KIAA1217: variants seen among roughly 807,000 people sequenced by gnomAD.
KIAA1217 encodes sickle tail protein homolog.
KIAA1217 carries 88 observed loss-of-function variants against 163.9 expected under a neutral mutation model. The observed-to-expected ratio is 0.54, with a 90% CI of 0.45 to 0.64. The LOEUF is 0.64. Among genes scored for constraint, KIAA1217 ranks in the 30% least tolerant of loss-of-function variants. The pLI is 0.00. For synonymous variants in KIAA1217, 903 were observed against 923.1 expected, an observed-to-expected ratio of 0.98 and a Z score of 0.39; for missense variants, 2,372 against 2,475.0, an observed-to-expected ratio of 0.96 and a Z score of 0.88.
intron 5 of KIAA1217, among the ~76,000 whole-genome samples, chr10:24,452,386 T>C (rs1036513761): frequency 2.6e-5 from 4 of 151,914 alleles, no homozygotes; most frequent in Non-Finnish European, 4.4e-5. Flanking sequence ...CAGGAATGAA[T>C]GAGACGGCCG....
chr10:24,436,307 A>G (rs576177032), intron 4 of KIAA1217, among the ~76,000 whole-genome samples: 1 of 152,338 alleles, frequency 6.6e-6, no homozygotes, highest in Non-Finnish European at 1.5e-5. Context: ...AATGTAGACA[A>G]TGTTTTATTT....
chr10:24,065,643 A>T (rs2060910847), intron 2 of KIAA1217, among the ~76,000 whole-genome samples: 2 of 152,216 alleles, frequency 1.3e-5, no homozygotes, highest in Non-Finnish European at 2.9e-5. Flanking sequence ...AGAGTTCTGT[A>T]GATGTCTATT....
At chr10:23,778,401 G>T (rs1835100578) in intron 1 of KIAA1217, among the ~76,000 whole-genome samples, 2 of 152,190 alleles carry the variant, frequency 1.3e-5, no homozygotes, top group Admixed American at 1.3e-4. Context: ...ATATGCCCAT[G>T]ATCCAGCTTT....
chr10:24,010,592 G>T (rs1168593649), intron 2 of KIAA1217, among the ~76,000 whole-genome samples: 1 of 150,588 alleles, frequency 6.6e-6, no homozygotes, highest in Non-Finnish European at 1.5e-5. Flanking sequence ...AAGAAATTGT[G>T]AGTCAGCCTT....
chr10:24,164,995 G>A (rs996918188), intron 2 of KIAA1217, among the ~76,000 whole-genome samples: 16 of 152,198 alleles, frequency 1.1e-4, no homozygotes, highest in South Asian at 6.2e-4. Flanking sequence ...TGGAAGACTG[G>A]TACCTCTTTG....
At chr10:24,373,220 CA>C (rs1168780125) in intron 2 of KIAA1217, among the ~76,000 whole-genome samples, 1 of 152,182 alleles carries the variant, frequency 6.6e-6, no homozygotes, top group Non-Finnish European at 1.5e-5. Flanking sequence ...AGTTGTGGGT[CA>C]CTTCTTGCAA....
At chr10:23,934,798 T>TTTTTGC (rs1843453212) in intron 1 of KIAA1217, among the ~76,000 whole-genome samples, 1 of 150,652 alleles carries the variant, frequency 6.6e-6, no homozygotes, top group Non-Finnish European at 1.5e-5. Context: ...TTTGTATTTT[T>TTTTTGC]AGTAGAGACG....
intron 1 of KIAA1217, among the ~76,000 whole-genome samples, chr10:23,921,057 T>G (rs1014128425): frequency 6.6e-6 from 1 of 152,194 alleles, no homozygotes; most frequent in African/African-American, 2.4e-5. Context: ...TACCTCTTTT[T>G]CTTTATAAAT....
At chr10:23,857,874 C>G (rs1202688425) in intron 1 of KIAA1217, among the ~76,000 whole-genome samples, 2 of 151,672 alleles carry the variant, frequency 1.3e-5, no homozygotes, top group Non-Finnish European at 2.9e-5. Context: ...GTTGAAATTC[C>G]TTCTAATTTA....
intron 1 of KIAA1217, among the ~76,000 whole-genome samples, chr10:23,991,590 T>C (rs889543033): frequency 6.6e-6 from 1 of 152,090 alleles, no homozygotes; most frequent in Non-Finnish European, 1.5e-5. Context: ...TGGGGTAGGT[T>C]CTAGATATAT....
At chr10:23,703,910 A>G (rs546135902) in intron 1 of KIAA1217, among the ~76,000 whole-genome samples, 3 of 151,110 alleles carry the variant, frequency 2.0e-5, no homozygotes. Flanking sequence ...TAAAAACTGC[A>G]TTTTTGTTTT....
chr10:24,546,187 TCTCCTGCCTCCTC>T lies in KIAA1217; in HGVS notation c.5697_5709del (p.Pro1900SerfsTer3), dbSNP rs1165530910. On this transcript the variant is annotated frameshift_variant, in exon 21 of 21. Transcript: ENST00000376454. LOFTEE classifies it high-confidence loss of function. Reference sequence around the variant, plus strand: ...TTTGTCATTTTCCTCCTCCCCTCCTTCTCCTGCCTCCTCCGTCTCACTGAATCAAGGTGCCAAG... The same window carrying T: ...TTTGTCATTTTCCTCCTCCCCTCCTTCGTCTCACTGAATCAAGGTGCCAAG... 6.2e-7 allele frequency: 1 copy of T among 1,613,826 alleles called. No homozygotes were observed. Among genetic ancestry groups the T allele is most frequent in the African/African-American group, 1.3e-5 (1 of 74,836 alleles).
chr10:24,184,201 TATG>T (rs997207419), intron 2 of KIAA1217, among the ~76,000 whole-genome samples: 14 of 152,210 alleles, frequency 9.2e-5, no homozygotes, highest in Non-Finnish European at 1.2e-4. Context: ...AATGTGTACG[TATG>T]GTTTAAAACA....
At chr10:24,522,738 T>G (rs1045427984) in intron 12 of KIAA1217, among the ~76,000 whole-genome samples, 1 of 152,246 alleles carries the variant, frequency 6.6e-6, no homozygotes, top group Non-Finnish European at 1.5e-5. Context: ...GGCTCACACC[T>G]GTCATCCCCG....
intron 2 of KIAA1217, among the ~76,000 whole-genome samples, chr10:24,335,208 A>G (rs1003601968): frequency 2.6e-5 from 4 of 152,186 alleles, no homozygotes; most frequent in Non-Finnish European, 5.9e-5. Context: ...AGGCAAACCC[A>G]TAAAGATAGA....
rs75117683 is a variant in KIAA1217 at position 23,749,092 on chromosome 10, A to G, written c.-321+53858A>G. Among the ~76,000 whole-genome samples the G allele has an allele frequency of 7.3e-3, 1,111 of 152,272 alleles. 16 individuals carry two copies. The highest frequency in any genetic ancestry group is 0.025 in the African/African-American group (1,055 of 41,556). On this transcript the variant is annotated intron_variant, in intron 1 of 18. Transcript: ENST00000376462. ...CAGAAGTGGACAATTAGTGTTCATA[A>G]AAATGTTCTCTACACCACTGACTTC...
intron 2 of KIAA1217, among the ~76,000 whole-genome samples, chr10:24,039,225 C>T (rs1848525022): frequency 6.6e-6 from 1 of 152,028 alleles, no homozygotes; most frequent in Non-Finnish European, 1.5e-5. Flanking sequence ...TAGCCACACT[C>T]CACTCCACCC....
At chr10:23,943,835 T>A (rs12356758) in intron 1 of KIAA1217, among the ~76,000 whole-genome samples, 30,488 of 152,058 alleles carry the variant, frequency 0.2, 3,323 homozygotes, top group Middle Eastern at 0.27. Flanking sequence ...CAATTCAATA[T>A]GGAAAGAAAG....
At chr10:24,321,193 A>C (rs2044104238) in intron 2 of KIAA1217, among the ~76,000 whole-genome samples, 1 of 152,164 alleles carries the variant, frequency 6.6e-6, no homozygotes, top group Non-Finnish European at 1.5e-5. Context: ...GAAAGCAGGA[A>C]CTTGAGATAT....
Sources: allele counts gnomAD v4.1 joint callset (sites outside exome capture counted in the v4.1 genomes callset), GRCh38; gene constraint gnomAD v4.1.1; transcripts MANE v1.5; gene names NCBI Gene and HGNC (gene_info 2026-07-23, HGNC 2026-07-21).